The following NRSN1 variants were observed in gnomAD, a reference collection of about 807,000 sequenced individuals.
NRSN1 encodes neurensin-1.
In NRSN1, 14 loss-of-function variants were observed where a neutral mutation model predicts 17.3. The ratio of observed to expected loss-of-function variants is 0.81; its 90% confidence interval spans 0.54 to 1.27. The LOEUF is 1.27. NRSN1 is among the 50% of genes most tolerant of loss of function. The probability of loss-of-function intolerance (pLI) is 0.00; values close to 1 mark genes in which losing one functional copy is unlikely to be tolerated. For missense variants in NRSN1, 209 were observed against 235.9 expected (o/e 0.89, Z 0.75); for synonymous variants, 79 against 94.2 (o/e 0.84, Z 0.93).
chr6:24,144,527 G>A (rs1484239307), intron 3 of NRSN1, among the ~76,000 whole-genome samples: 1 of 152,134 alleles, frequency 6.6e-6, no homozygotes, highest in African/African-American at 2.4e-5. Flanking sequence ...AATGAAGCAA[G>A]AGTTCACTCT....
intron 3 of NRSN1, among the ~76,000 whole-genome samples, chr6:24,142,783 A>G (rs564422083): frequency 5.3e-5 from 8 of 152,176 alleles, no homozygotes; most frequent in Non-Finnish European, 1.2e-4. Context: ...GGTAGTGCGG[A>G]CCCAGAGTCA....
Position 24,146,005 on chromosome 6 carries a change from C to A in NRSN1, c.*59C>A. 3 of 1,524,034 alleles carry A rather than the reference C, an allele frequency of 2.0e-6. No individual in the cohort carries two copies. The highest frequency in any genetic ancestry group is 1.2e-5 in the South Asian group (1 of 82,560). The allele number at this position is 1,524,034 out of a possible 1,614,324, so 94.4% of individuals were successfully genotyped here. ...TATGCCCGTGGTTAAAAAGAGCAGG[C>A]CAGTTTTCGAGATAAAGAAGATTTG... On this transcript the variant is annotated 3_prime_UTR_variant, in exon 4 of 4. Transcript: ENST00000378491.
At chr6:24,126,893 A>G (rs1759957434) in intron 1 of NRSN1, among the ~76,000 whole-genome samples, 1 of 152,124 alleles carries the variant, frequency 6.6e-6, no homozygotes, top group Non-Finnish European at 1.5e-5. Context: ...CTCAAAGAAA[A>G]CAGAGCTGGA....
At chr6:24,131,976 A>T (rs191433269) in intron 2 of NRSN1, among the ~76,000 whole-genome samples, 1 of 150,446 alleles carries the variant, frequency 6.6e-6, no homozygotes, top group Non-Finnish European at 1.5e-5. Flanking sequence ...GTATGTGTAG[A>T]CTCTTGCCTC....
In NRSN1 at chr6:24,146,706, G is replaced by A. The variant is rs1760312535; in HGVS notation, c.*760G>A. 1 of 153,714 alleles carries A rather than the reference G, an allele frequency of 6.5e-6. No homozygotes were observed. Among genetic ancestry groups the A allele is most frequent in the Admixed American group, 6.5e-5 (1 of 15,502 alleles). The allele number at this position is 153,714 out of a possible 1,614,324, so 9.5% of individuals were successfully genotyped here. A position where few individuals can be genotyped will look rare whatever the true frequency, so the allele number is the denominator to read the frequency against. ...TTTTTTTAATTTTTTTTAGAGGCAGGATCTTGCTGTCCAATTTTTTTTAAA... is the reference window on the plus strand; with the variant it reads ...TTTTTTTAATTTTTTTTAGAGGCAGAATCTTGCTGTCCAATTTTTTTTAAA... On this transcript the variant is annotated 3_prime_UTR_variant, in exon 4 of 4. Coordinates refer to ENST00000378491, the MANE Select transcript of NRSN1 (RefSeq NM_080723.5).
At chr6:24,133,537 A>G (rs1376131550) in intron 2 of NRSN1, among the ~76,000 whole-genome samples, 1 of 152,212 alleles carries the variant, frequency 6.6e-6, no homozygotes, top group Non-Finnish European at 1.5e-5. Context: ...CTGAGAGGAC[A>G]GTCTAAGACA....
At position 24,126,745 on chromosome 6, in the gene NRSN1, G is replaced by A. The variant is rs1303784022; in HGVS notation, c.-83+405G>A. 3.9e-5 allele frequency among the ~76,000 whole-genome samples: 6 copies of A among 152,274 alleles called. No homozygotes were observed. In the South Asian group the frequency reaches 1.2e-3, roughly 32 times the overall value. ...GCAAAGTTGGTTTATTTATCAGGCTGAATTGAGCCCCCACTGGCCCTCCCC... is the reference window on the plus strand; with the variant it reads ...GCAAAGTTGGTTTATTTATCAGGCTAAATTGAGCCCCCACTGGCCCTCCCC... On this transcript the variant is annotated intron_variant, in intron 1 of 3. Transcript: ENST00000378491.
At position 24,145,136 on chromosome 6, in the gene NRSN1, CAT is replaced by C. The variant is rs1372236597; in HGVS notation, c.190-408_190-407del. 7.1e-6 allele frequency among the ~76,000 whole-genome samples: 1 copy of C among 140,386 alleles called. No individual in the cohort carries two copies. 92.1% of individuals were successfully genotyped at this position (140,386 alleles called of 152,430 possible). On this transcript the variant is annotated intron_variant, in intron 3 of 3. Transcript: ENST00000378491. This position sits in a 1 kb window ranked among gnomAD's most constrained non-coding sequence, Gnocchi z 4.4. Reference sequence around the variant, plus strand: ...TATATATAATATACATATCTTTAGACATATAATATATAATATATATATCTTTG... The same window carrying C: ...TATATATAATATACATATCTTTAGACATAATATATAATATATATATCTTTG...
At chr6:24,142,191 C>CCTTTTTTTT (rs1554140616) in intron 3 of NRSN1, among the ~76,000 whole-genome samples, 2 of 44,446 alleles carry the variant, frequency 4.5e-5, no homozygotes, top group Non-Finnish European at 8.4e-5. Context: ...TACAGAACAG[C>CCTTTTTTTT]TTTTTTTTTT....
intron 3 of NRSN1, among the ~76,000 whole-genome samples, chr6:24,135,182 CAAAG>C (rs1193833446): frequency 2.0e-5 from 3 of 152,118 alleles, no homozygotes; most frequent in Non-Finnish European, 4.4e-5. Context: ...AGGCTGTAAA[CAAAG>C]AAACCACATG....
chr6:24,144,431 T>C (rs527435252), intron 3 of NRSN1, among the ~76,000 whole-genome samples: 1 of 152,286 alleles, frequency 6.6e-6, no homozygotes, highest in South Asian at 2.1e-4. Flanking sequence ...CATAGGGGAC[T>C]GTGGGGCATT....
rs938378649 is a variant in NRSN1 at position 24,145,444 on chromosome 6, T to C, written c.190-104T>C. 3 of 828,436 alleles carry C rather than the reference T, an allele frequency of 3.6e-6. No homozygotes were observed. The highest frequency in any genetic ancestry group is 2.8e-5 in the Admixed American group (1 of 35,162). 51.3% of individuals were successfully genotyped at this position (828,436 alleles called of 1,614,324 possible). A position where few individuals can be genotyped will look rare whatever the true frequency, so the allele number is the denominator to read the frequency against. ...TGCAAATTTGGGGTAACTGGGAATA[T>C]TCATTTCTCTCAAGAAACAAGACAA... On this transcript the variant is annotated intron_variant, in intron 3 of 3. Transcript: ENST00000378491. The surrounding 1 kb of genome is among the most constrained non-coding windows in gnomAD (Gnocchi z 4.4).
rs549457652 is a variant in NRSN1, at chr6:24,144,673, C to T, written c.190-875C>T. On this transcript the variant is annotated intron_variant, in intron 3 of 3. Coordinates refer to ENST00000378491, the MANE Select transcript of NRSN1 (RefSeq NM_080723.5). ...TATTAGCCAGGAGCGGGGGTCATGT[C>T]GTATTTTGTGGTTTTTACAAGGACC... is the stretch of plus-strand genomic sequence containing the variant. Among the ~76,000 whole-genome samples, 3 of 152,152 alleles carry T rather than the reference C, an allele frequency of 2.0e-5. No homozygotes were observed. In the South Asian group the frequency reaches 6.2e-4, roughly 32 times the overall value.
At chr6:24,143,984 C>T (rs1459074787) in intron 3 of NRSN1, among the ~76,000 whole-genome samples, 3 of 152,184 alleles carry the variant, frequency 2.0e-5, no homozygotes, top group Admixed American at 6.5e-5. Context: ...AAGCATGCGT[C>T]CATTTATTTC....
chr6:24,132,452 A>G (rs990845111), intron 2 of NRSN1, among the ~76,000 whole-genome samples: 1 of 152,230 alleles, frequency 6.6e-6, no homozygotes, highest in Non-Finnish European at 1.5e-5. Flanking sequence ...ACAAGCTCTG[A>G]GAAAACCTGG....
chr6:24,129,534 T>A (rs1369133147), intron 2 of NRSN1: 1 of 152,110 alleles, frequency 6.6e-6, no homozygotes, highest in East Asian at 1.9e-4. Context: ...ACATAGAATA[T>A]CAGATAGTAA....
intron 3 of NRSN1, among the ~76,000 whole-genome samples, chr6:24,141,701 T>C (rs1417852928): frequency 6.6e-5 from 10 of 152,206 alleles, no homozygotes; most frequent in Admixed American, 1.3e-4. Context: ...TGAATGATAG[T>C]CCAGGAGTGG....
intron 2 of NRSN1, among the ~76,000 whole-genome samples, chr6:24,131,646 CA>C (rs1423679741): frequency 6.6e-6 from 1 of 152,050 alleles, no homozygotes; most frequent in African/African-American, 2.4e-5. Context: ...TTAGTAATAC[CA>C]ACCCCATCTC....
At chr6:24,133,473 C>T (rs534334960) in intron 2 of NRSN1, among the ~76,000 whole-genome samples, 1 of 152,198 alleles carries the variant, frequency 6.6e-6, no homozygotes, top group African/African-American at 2.4e-5. Context: ...GGCAAAATTT[C>T]AAACTAGTAA....
Sources: gnomAD v4.1 joint callset for allele counts (sites outside exome capture counted in the v4.1 genomes callset) on GRCh38, gnomAD v4.1.1 for gene constraint, Gnocchi (gnomAD v3.1) non-coding constraint, MANE v1.5 for transcripts, NCBI Gene and HGNC (gene_info 2026-07-23, HGNC 2026-07-21) for gene names.